Variants in TAFA1 observed in about 807,000 individuals in gnomAD.
TAFA1 encodes the protein TAFA chemokine like family member 1, also known as chemokine-like protein TAFA-1.
Under a neutral mutation model 18.5 loss-of-function variants are expected in TAFA1, and 4 were observed. That is an observed-to-expected ratio of 0.22 (90% CI 0.11 to 0.49). The LOEUF is 0.49. Ranked by LOEUF, TAFA1 falls within the 20% of genes least tolerant of loss-of-function variation. The pLI, the probability that TAFA1 is intolerant of heterozygous loss-of-function variation, is 0.98. For missense variants in TAFA1, 147 were observed against 169.0 expected (o/e 0.87, Z 0.72); for synonymous variants, 56 against 55.2 (o/e 1.01, Z -0.06).
At chr3:68,119,090 T>C (rs1200671740) in intron 2 of TAFA1, among the ~76,000 whole-genome samples, 1 of 151,794 alleles carries the variant, frequency 6.6e-6, no homozygotes, top group Admixed American at 6.6e-5. Flanking sequence ...TAAGGTAGTA[T>C]CTCATTATGA....
At chr3:68,232,314 G>T (rs6765096) in intron 2 of TAFA1, among the ~76,000 whole-genome samples, 29,111 of 152,100 alleles carry the variant, frequency 0.19, 3,497 homozygotes, top group Middle Eastern at 0.29. Context: ...AGAACATGTG[G>T]TATTTATCTT....
intron 2 of TAFA1, among the ~76,000 whole-genome samples, chr3:68,327,232 T>G (rs1361913539): frequency 6.6e-6 from 1 of 152,204 alleles, no homozygotes; most frequent in Non-Finnish European, 1.5e-5. Flanking sequence ...TTATAAATTG[T>G]CAGTCTCAGG....
At chr3:68,353,770 A>G (rs574319023) in intron 2 of TAFA1, among the ~76,000 whole-genome samples, 1 of 152,146 alleles carries the variant, frequency 6.6e-6, no homozygotes, top group South Asian at 2.1e-4. Context: ...ACGTTTTAAC[A>G]TGTGTGATGA....
At chr3:68,363,678 G>A (rs112686331) in intron 2 of TAFA1, among the ~76,000 whole-genome samples, 2 of 152,208 alleles carry the variant, frequency 1.3e-5, no homozygotes, top group African/African-American at 4.8e-5. Flanking sequence ...AATGCATCCT[G>A]CCTGATTTTC....
At chr3:68,049,083 C>T (rs535873133) in intron 2 of TAFA1, among the ~76,000 whole-genome samples, 13 of 152,246 alleles carry the variant, frequency 8.5e-5, no homozygotes, top group Non-Finnish European at 1.5e-4. Flanking sequence ...TAGCTGGGCA[C>T]ATTTTTTACT....
At chr3:68,375,297 C>G (rs1191690586) in intron 2 of TAFA1, among the ~76,000 whole-genome samples, 1 of 152,156 alleles carries the variant, frequency 6.6e-6, no homozygotes, top group Non-Finnish European at 1.5e-5. Flanking sequence ...TTGACAATAT[C>G]TCTCAGGACT....
At chr3:68,026,235 G>A (rs1704812330) in intron 2 of TAFA1, among the ~76,000 whole-genome samples, 3 of 151,946 alleles carry the variant, frequency 2.0e-5, no homozygotes, top group South Asian at 2.1e-4. Flanking sequence ...GAGGGCAGGG[G>A]TTGGCCCACA....
chr3:68,148,096 G>A (rs926747678), intron 2 of TAFA1, among the ~76,000 whole-genome samples: 4 of 152,246 alleles, frequency 2.6e-5, no homozygotes, highest in Non-Finnish European at 5.9e-5. Context: ...TGTAGAAGAG[G>A]CAGGAGAAAC....
intron 2 of TAFA1, among the ~76,000 whole-genome samples, chr3:68,289,529 T>C (rs1017885482): frequency 3.9e-5 from 5 of 128,834 alleles, no homozygotes; most frequent in Non-Finnish European, 8.8e-5. Context: ...GAGAGGCTTA[T>C]GGGCTAGCTG....
At chr3:68,268,381 G>A (rs901897173) in intron 2 of TAFA1, among the ~76,000 whole-genome samples, 9 of 152,116 alleles carry the variant, frequency 5.9e-5, no homozygotes, top group Non-Finnish European at 7.4e-5. Flanking sequence ...GACCAAAAAC[G>A]TGTGGCCCCC....
At chr3:68,349,381 G>A (rs571806017) in intron 2 of TAFA1, among the ~76,000 whole-genome samples, 1 of 151,842 alleles carries the variant, frequency 6.6e-6, no homozygotes, top group Non-Finnish European at 1.5e-5. Context: ...CTTATGAAAA[G>A]GTGTTACGGA....
intron 2 of TAFA1, among the ~76,000 whole-genome samples, chr3:68,049,455 T>G (rs2064438585): frequency 1.3e-5 from 2 of 151,486 alleles, no homozygotes; most frequent in Non-Finnish European, 1.5e-5. Context: ...GAAAAGAGAG[T>G]GATTATTTGT....
chr3:68,327,075 A>T (rs1358480281), intron 2 of TAFA1, among the ~76,000 whole-genome samples: 1 of 152,164 alleles, frequency 6.6e-6, no homozygotes, highest in African/African-American at 2.4e-5. Flanking sequence ...GTCTTACAAG[A>T]TATGATGTTT....
intron 2 of TAFA1, among the ~76,000 whole-genome samples, chr3:68,020,209 G>T (rs758089971): frequency 6.6e-6 from 1 of 152,148 alleles, no homozygotes; most frequent in African/African-American, 2.4e-5. Flanking sequence ...TGGAAATTGG[G>T]CAAAGAGTTG....
intron 2 of TAFA1, among the ~76,000 whole-genome samples, chr3:68,229,654 T>C (rs897528720): frequency 6.6e-6 from 1 of 152,222 alleles, no homozygotes; most frequent in African/African-American, 2.4e-5. Context: ...TCATTACTTT[T>C]TCGTAGGTGG....
chr3:68,456,523 C>G (rs1344877015), intron 3 of TAFA1, among the ~76,000 whole-genome samples: 1 of 152,138 alleles, frequency 6.6e-6, no homozygotes, highest in Non-Finnish European at 1.5e-5. Context: ...TAAGCCAAAC[C>G]TCTTTTTAAA....
intron 2 of TAFA1, among the ~76,000 whole-genome samples, chr3:68,216,928 A>G (rs1465456718): frequency 6.6e-6 from 1 of 152,134 alleles, no homozygotes; most frequent in African/African-American, 2.4e-5. Context: ...GATCGAATAA[A>G]TAAATGGAGG....
At chr3:68,050,941 T>A (rs1273610652) in intron 2 of TAFA1, among the ~76,000 whole-genome samples, 1 of 152,194 alleles carries the variant, frequency 6.6e-6, no homozygotes, top group East Asian at 1.9e-4. Context: ...AGCCAAAGTA[T>A]CTTTTCCTAC....
chr3:68,031,157 CT>C (rs1350921244), intron 2 of TAFA1, among the ~76,000 whole-genome samples: 1 of 151,960 alleles, frequency 6.6e-6, no homozygotes, highest in African/African-American at 2.4e-5. Flanking sequence ...AACAAAAATC[CT>C]TATGGAAGAG....
Sources: allele counts gnomAD v4.1 joint callset (sites outside exome capture counted in the v4.1 genomes callset), GRCh38; gene constraint gnomAD v4.1.1; transcripts MANE v1.5; gene names NCBI Gene and HGNC (gene_info 2026-07-23, HGNC 2026-07-21).